PTPRT: variants seen among roughly 807,000 people sequenced by gnomAD.
PTPRT encodes protein tyrosine phosphatase receptor type T.
A neutral mutation model predicts 176.8 loss-of-function variants in PTPRT; 56 were observed. That is an observed-to-expected ratio of 0.32 (90% CI 0.26 to 0.40). The LOEUF is 0.40. Ranked by LOEUF, PTPRT falls within the 10% of genes least tolerant of loss-of-function variation. The pLI is 1.00. For missense variants in PTPRT, 1,540 were observed against 1,908.2 expected, an observed-to-expected ratio of 0.81 and a Z score of 3.60; for synonymous variants, 783 against 739.0, an observed-to-expected ratio of 1.06 and a Z score of -0.96.
intron 7 of PTPRT, among the ~76,000 whole-genome samples, chr20:42,642,009 T>C (rs148190152): frequency 1.8e-4 from 27 of 152,296 alleles, no homozygotes; most frequent in African/African-American, 6.3e-4. Context: ...CTTTGAAAGA[T>C]GCAGGGAACT....
chr20:42,050,591 G>T, the PTPRT span, among the ~76,000 whole-genome samples: 69,207 of 152,012 alleles, frequency 0.46, 16,209 homozygotes, highest in Middle Eastern at 0.57. Context: ...TAATAGTAAA[G>T]AGAGTGCCTG....
chr20:42,107,735 T>C (rs1986598831), intron 23 of PTPRT, among the ~76,000 whole-genome samples: 1 of 152,218 alleles, frequency 6.6e-6, no homozygotes, highest in African/African-American at 2.4e-5. Context: ...TTTCACATCT[T>C]GCCTTTCTCA....
intron 7 of PTPRT, among the ~76,000 whole-genome samples, chr20:42,568,873 C>T (rs901707235): frequency 1.3e-5 from 2 of 150,896 alleles, no homozygotes; most frequent in African/African-American, 4.9e-5. Flanking sequence ...TATGGCAAAA[C>T]CCTGTCTCTA....
rs772196996 is a variant in PTPRT, at chr20:42,352,148, G to C, written c.1698C>G (p.Ile566Met). The change falls in exon 10 of 31, where the codon ATC becomes ATG. Residue 566 changes from isoleucine to methionine, a missense_variant. Coordinates refer to ENST00000373187, the MANE Select transcript of PTPRT (RefSeq NM_007050.6). ...LYPGTTYSFT[I>M]KASTAKGFGP... Reference sequence around the variant, plus strand: ...CAAAGCCCTTTGCTGTGCTGGCCTTGATGGTGAAGGAATAGGTGGTCCCTG... The same window carrying C: ...CAAAGCCCTTTGCTGTGCTGGCCTTCATGGTGAAGGAATAGGTGGTCCCTG... 9.3e-6 allele frequency: 15 copies of C among 1,614,200 alleles called. No individual in the cohort carries two copies. Among genetic ancestry groups the C allele is most frequent in the South Asian group, 1.1e-5 (1 of 91,080 alleles).
At chr20:42,170,348 G>C (rs187541365) in intron 16 of PTPRT, among the ~76,000 whole-genome samples, 1 of 152,276 alleles carries the variant, frequency 6.6e-6, no homozygotes, top group Admixed American at 6.5e-5. Flanking sequence ...ACAGAAAGTA[G>C]AAGTGCATTT....
intron 7 of PTPRT, among the ~76,000 whole-genome samples, chr20:42,546,869 G>A (rs950097512): frequency 2.0e-5 from 3 of 152,118 alleles, no homozygotes; most frequent in South Asian, 2.1e-4. Flanking sequence ...GAAAGGCAAC[G>A]TTTGTGCATC....
intron 7 of PTPRT, among the ~76,000 whole-genome samples, chr20:42,608,976 G>A (rs1443026499): frequency 6.6e-6 from 1 of 152,154 alleles, no homozygotes; most frequent in Non-Finnish European, 1.5e-5. Context: ...TCACAGGGAA[G>A]GACGTCAGGG....
rs1486057316 is a variant in PTPRT, at chr20:42,644,733, T to C, written c.1153+33133A>G. On this transcript the variant is annotated intron_variant, in intron 7 of 30. Coordinates refer to ENST00000373187, the MANE Select transcript of PTPRT (RefSeq NM_007050.6). ...GACTTTCTGGGAGGTAGGCTGTGAG[T>C]AAGGAGCTCCAGATTCATACACATT... Among the ~76,000 whole-genome samples the C allele has an allele frequency of 2.6e-5, 4 of 152,158 alleles. No homozygotes were observed. In the South Asian group the frequency reaches 8.3e-4, roughly 32 times the overall value.
chr20:43,172,323 A>G (rs1282437342), intron 1 of PTPRT, among the ~76,000 whole-genome samples: 2 of 152,260 alleles, frequency 1.3e-5, no homozygotes, highest in African/African-American at 4.8e-5. Flanking sequence ...CAGGTCAAAT[A>G]TCAGATAATC....
chr20:42,292,152 T>A (rs2057326446), intron 12 of PTPRT, among the ~76,000 whole-genome samples: 1 of 152,076 alleles, frequency 6.6e-6, no homozygotes, highest in Non-Finnish European at 1.5e-5. Context: ...CAGCCTGGGC[T>A]TATGGTATTG....
At chr20:42,619,496 A>G (rs71354137) in intron 7 of PTPRT, among the ~76,000 whole-genome samples, 1 of 128,580 alleles carries the variant, frequency 7.8e-6, no homozygotes, top group Non-Finnish European at 1.6e-5. Flanking sequence ...CTGCCTTGCT[A>G]GATTGGGGAA....
chr20:43,061,520 T>C (rs1343020185), intron 1 of PTPRT, among the ~76,000 whole-genome samples: 3 of 152,218 alleles, frequency 2.0e-5, no homozygotes, highest in Non-Finnish European at 4.4e-5. Flanking sequence ...ATCTTTTAAG[T>C]ATGTGTCCTC....
At chr20:42,269,254 T>C in intron 13 of PTPRT, among the ~76,000 whole-genome samples, 1 of 152,164 alleles carries the variant, frequency 6.6e-6, no homozygotes, top group African/African-American at 2.4e-5. Context: ...CCTAAGACAT[T>C]CACCAGCAGT....
chr20:42,440,782 T>C (rs749259579), intron 9 of PTPRT, among the ~76,000 whole-genome samples: 1 of 152,126 alleles, frequency 6.6e-6, no homozygotes, highest in Non-Finnish European at 1.5e-5. Context: ...CGGCCTGTAT[T>C]AGTTATGTCA....
At chr20:43,160,728 A>G (rs975741030) in intron 1 of PTPRT, among the ~76,000 whole-genome samples, 3 of 152,116 alleles carry the variant, frequency 2.0e-5, no homozygotes, top group Admixed American at 6.5e-5. Flanking sequence ...AAGTGTATTT[A>G]TTATGTTTAG....
intron 1 of PTPRT, among the ~76,000 whole-genome samples, chr20:43,066,685 C>T (rs115161138): frequency 0.029 from 4,346 of 152,242 alleles, 218 homozygotes; most frequent in African/African-American, 0.099. Context: ...AACTGTGGGG[C>T]ATAGCACGGA....
chr20:42,577,363 G>A (rs1420586079), intron 7 of PTPRT, among the ~76,000 whole-genome samples: 1 of 152,104 alleles, frequency 6.6e-6, no homozygotes, highest in African/African-American at 2.4e-5. Context: ...GGGATACATC[G>A]CAGAAGCCAG....
chr20:43,122,138 T>A (rs529690988), intron 1 of PTPRT, among the ~76,000 whole-genome samples: 1 of 152,166 alleles, frequency 6.6e-6, no homozygotes, highest in East Asian at 1.9e-4. Context: ...GCCTGGGAAT[T>A]TGCATTTCTA....
chr20:42,208,485 G>T (rs997568125), intron 15 of PTPRT, among the ~76,000 whole-genome samples: 2 of 151,938 alleles, frequency 1.3e-5, no homozygotes, highest in African/African-American at 4.8e-5. Flanking sequence ...AAAGGCAGGG[G>T]TTGCAATCCT....
Sources: gnomAD v4.1 joint callset for allele counts (sites outside exome capture counted in the v4.1 genomes callset) on GRCh38, gnomAD v4.1.1 for gene constraint, MANE v1.5 for transcripts, NCBI Gene and HGNC (gene_info 2026-07-23, HGNC 2026-07-21) for gene names.